ANKRD28: variants seen among roughly 807,000 people sequenced by gnomAD.
The protein encoded by ANKRD28 is ankyrin repeat domain 28.
In ANKRD28, 44 loss-of-function variants were observed where a neutral mutation model predicts 126.5. The observed-to-expected ratio is 0.35, with a 90% CI of 0.27 to 0.45. The LOEUF (loss-of-function observed/expected upper bound fraction) is 0.45, where lower values mean the gene tolerates loss of function less well. Ranked by LOEUF, ANKRD28 falls within the 20% of genes least tolerant of loss-of-function variation. ANKRD28 has a pLI of 1.00. For synonymous variants in ANKRD28, 442 were observed against 468.5 expected (o/e 0.94, Z 0.73); for missense variants, 1,110 against 1,316.6 (o/e 0.84, Z 2.43).
intron 24 of ANKRD28, 139 bp from the exon 25 acceptor site, chr3:15,677,701 A>G (rs147317991): frequency 0.015 from 7,962 of 528,278 alleles, 114 homozygotes; most frequent in Middle Eastern, 0.06. Context: ...ATATTGTAAT[A>G]TATAACATAT....
chr3:15,724,450 G>A lies in ANKRD28; in HGVS notation c.715C>T (p.Pro239Ser), dbSNP rs1344080625. Reference sequence around the variant, plus strand: ...CCACTAGAGGCTGCTGCATGAAGAGGTGTATAAGACTTTTTATCCTTGCAT... The same window carrying A: ...CCACTAGAGGCTGCTGCATGAAGAGATGTATAAGACTTTTTATCCTTGCAT... ...VTCKDKKSYT[P>S]LHAAASSGMI... The change falls in exon 7 of 28, where the codon CCT (proline) becomes TCT (serine). Residue 239 changes from proline (P) to serine (S), a missense_variant. Transcript: ENST00000683139. 1.1e-5 allele frequency: 17 copies of A among 1,601,954 alleles called. No individual in the cohort carries two copies. Among genetic ancestry groups the A allele is most frequent in the Non-Finnish European group, 1.4e-5 (17 of 1,173,572 alleles).
At chr3:15,771,612 T>C (rs900483321) in intron 2 of ANKRD28, among the ~76,000 whole-genome samples, 8 of 152,146 alleles carry the variant, frequency 5.3e-5, no homozygotes, top group Middle Eastern at 3.2e-3. Flanking sequence ...TCACATTTAC[T>C]GCTGGGAAGG....
At chr3:15,684,858 T>TGTAATTA (rs1559330599) in intron 21 of ANKRD28, 1 of 191,256 alleles carries the variant, frequency 5.2e-6, no homozygotes, top group East Asian at 1.5e-4. Context: ...ACATGGTGGC[T>TGTAATTA]CATGCCTGTA....
At chr3:15,696,455 T>C (rs1258993315) in intron 14 of ANKRD28, among the ~76,000 whole-genome samples, 1 of 152,150 alleles carries the variant, frequency 6.6e-6, no homozygotes, top group African/African-American at 2.4e-5. Flanking sequence ...ATCTTCTTGA[T>C]TCAAAGTGGA....
rs762096313 is a variant in ANKRD28, at chr3:15,712,238, C to G, written c.1191-16G>C. 1 of 1,549,630 alleles carries G rather than the reference C, an allele frequency of 6.5e-7. No individual in the cohort carries two copies. ...TATGCCACGCCTAAAGTTAATAGAA[C>G]AGGACAGTATCTTCATTTTAACACA... On this transcript the variant is annotated splice_polypyrimidine_tract_variant and intron_variant, in intron 10 of 27. Coordinates refer to ENST00000683139, the MANE Select transcript of ANKRD28 (RefSeq NM_001349278.2).
rs757287127 is a variant in ANKRD28 at position 15,714,635 on chromosome 3, G to C, written c.1018C>G (p.Leu340Val). The C allele has an allele frequency of 1.9e-6, 3 of 1,597,744 alleles. No individual in the cohort carries two copies. In the South Asian group the frequency reaches 3.4e-5, roughly 18 times the overall value. Residue 340 changes from leucine (L) to valine (V), a missense_variant, in exon 9 of 28, where the codon CTA becomes GTA. By Grantham distance (32) the Leu-to-Val change is conservative. Transcript: ENST00000683139. ...NMKSKDGKTP[L>V]HMTALHGRFS... ...CTACCGTGGAGAGCAGTCATGTGTA[G>C]TGGGGTTTTCCCATCTTTACTCTGG...
chr3:15,846,788 C>T lies in ANKRD28; in HGVS notation c.27+12589G>A, dbSNP rs906057338. Among the ~76,000 whole-genome samples, 10 of 152,170 alleles carry T rather than the reference C, an allele frequency of 6.6e-5. No individual in the cohort carries two copies. The highest frequency in any genetic ancestry group is 2.4e-4 in the African/African-American group (10 of 41,432). On this transcript the variant is annotated intron_variant, in intron 1 of 27. Transcript: ENST00000399451. This position sits in a 1 kb window ranked among gnomAD's most constrained non-coding sequence, Gnocchi z 5.4. ...CTGAAAGAAGTTCAGTTCTCTTTGACCCCTCATTTCCAAAGTTGCTCTGGC... is the reference window on the plus strand; with the variant it reads ...CTGAAAGAAGTTCAGTTCTCTTTGATCCCTCATTTCCAAAGTTGCTCTGGC...
intron 3 of ANKRD28, 92 bp downstream of exon 3, chr3:15,766,142 G>T: frequency 1.1e-6 from 1 of 908,546 alleles, no homozygotes; most frequent in Non-Finnish European, 1.7e-6. Flanking sequence ...ATGAACAACA[G>T]GCCATGCAGT....
intron 6 of ANKRD28, chr3:15,731,874 A>AAAAG (rs1553610861): frequency 1.9e-4 from 11 of 59,070 alleles, no homozygotes; most frequent in South Asian, 8.2e-4. Flanking sequence ...AAAAAAAAAA[A>AAAAG]GGGGGGGGGG....
chr3:15,852,650 G>A (rs6796929), intron 1 of ANKRD28, among the ~76,000 whole-genome samples: 9 of 151,500 alleles, frequency 5.9e-5, no homozygotes, highest in South Asian at 2.1e-4. Flanking sequence ...TGGCTAACAC[G>A]GTGAAACCCC....
intron 1 of ANKRD28, among the ~76,000 whole-genome samples, chr3:15,857,240 A>T (rs1297245781): frequency 6.6e-6 from 1 of 152,206 alleles, no homozygotes; most frequent in Non-Finnish European, 1.5e-5. Context: ...TTTAGAGGAA[A>T]ACCTCAATGT....
chr3:15,785,317 T>C (rs1303695683), intron 2 of ANKRD28, among the ~76,000 whole-genome samples: 2 of 151,972 alleles, frequency 1.3e-5, no homozygotes, highest in Non-Finnish European at 2.9e-5. Flanking sequence ...AAAAGACCTA[T>C]CAGATAAAGA....
intron 1 of ANKRD28, among the ~76,000 whole-genome samples, chr3:15,842,108 A>T (rs2061435821): frequency 6.7e-6 from 1 of 149,808 alleles, no homozygotes; most frequent in Non-Finnish European, 1.5e-5. Flanking sequence ...ATTGATATAT[A>T]ATATGCACAT....
chr3:15,809,486 T>C (rs1030996007), intron 1 of ANKRD28, among the ~76,000 whole-genome samples: 1 of 152,164 alleles, frequency 6.6e-6, no homozygotes, highest in African/African-American at 2.4e-5. Context: ...TGACTGAAAC[T>C]AGACAATGTC....
At chr3:15,810,714 TTC>T (rs2125882903) in intron 1 of ANKRD28, among the ~76,000 whole-genome samples, 2 of 145,464 alleles carry the variant, frequency 1.4e-5, no homozygotes, top group African/African-American at 5.3e-5. Context: ...TTTTTTTTTT[TTC>T]CCCTAAGTAA....
chr3:15,783,670 A>G (rs918159930), intron 2 of ANKRD28, among the ~76,000 whole-genome samples: 1 of 152,024 alleles, frequency 6.6e-6, no homozygotes, highest in African/African-American at 2.4e-5. Flanking sequence ...ATGGAATACT[A>G]CTCAGCAACA....
At position 15,830,034 on chromosome 3, in the gene ANKRD28, G is replaced by A. The variant is rs147293462; in HGVS notation, c.27+29343C>T. ...TCATTTTATCATACAGACACCCCAG[G>A]GTGAAGTGTAATGTAAGTAATTTAT... On this transcript the variant is annotated intron_variant, in intron 1 of 27. Coordinates refer to the ANKRD28 transcript ENST00000399451. This position sits in a 1 kb window ranked among gnomAD's most constrained non-coding sequence, Gnocchi z 4.5. 4.0e-5 allele frequency among the ~76,000 whole-genome samples: 6 copies of A among 151,740 alleles called. No homozygotes were observed. Among genetic ancestry groups the A allele is most frequent in the Non-Finnish European group, 7.4e-5 (5 of 67,944 alleles).
At chr3:15,700,617 T>G (rs2070432382) in intron 14 of ANKRD28, among the ~76,000 whole-genome samples, 2 of 150,908 alleles carry the variant, frequency 1.3e-5, no homozygotes, top group Admixed American at 1.3e-4. Context: ...CTACCAAGAG[T>G]ACAAAAATTA....
At chr3:15,718,633 A>C (rs1047603158) in intron 8 of ANKRD28, among the ~76,000 whole-genome samples, 1 of 151,932 alleles carries the variant, frequency 6.6e-6, no homozygotes, top group Non-Finnish European at 1.5e-5. Flanking sequence ...ATGGCAGTGC[A>C]TAAAACAGGA....
Sources: gnomAD v4.1 joint callset for allele counts (sites outside exome capture counted in the v4.1 genomes callset) on GRCh38, gnomAD v4.1.1 for gene constraint, Gnocchi (gnomAD v3.1) non-coding constraint, MANE v1.5 for transcripts, NCBI Gene and HGNC (gene_info 2026-07-23, HGNC 2026-07-21) for gene names.